The following TNR variants were observed in gnomAD, a reference collection of about 807,000 sequenced individuals.
TNR encodes the protein tenascin-R.
In TNR, 45 loss-of-function variants were observed where a neutral mutation model predicts 150.4. The observed-to-expected ratio is 0.30, with a 90% CI of 0.24 to 0.38. The LOEUF (loss-of-function observed/expected upper bound fraction) is 0.38. TNR is among the 10% of genes least tolerant of loss of function. The pLI is 1.00. For missense variants in TNR, 1,544 were observed against 1,759.1 expected (o/e 0.88, Z 2.19); for synonymous variants, 687 against 678.4 (o/e 1.01, Z -0.20).
chr1:175,378,399 T>C (rs1222740811), intron 9 of TNR, among the ~76,000 whole-genome samples: 3 of 152,096 alleles, frequency 2.0e-5, no homozygotes, highest in Admixed American at 6.5e-5. Context: ...TTCACAGAGA[T>C]TTAGGTGTAG....
chr1:175,573,048 A>G (rs2102221331), intron 1 of TNR, among the ~76,000 whole-genome samples: 2 of 152,304 alleles, frequency 1.3e-5, no homozygotes, highest in Middle Eastern at 6.8e-3. Flanking sequence ...AATGCATTAT[A>G]TATCATCTTG....
At chr1:175,667,610 A>T (rs143421758) in intron 1 of TNR, among the ~76,000 whole-genome samples, 21 of 152,316 alleles carry the variant, frequency 1.4e-4, no homozygotes, top group Non-Finnish European at 2.6e-4. Context: ...CCAAGAAGGC[A>T]CACCTAACAC....
intron 2 of TNR, among the ~76,000 whole-genome samples, chr1:175,423,344 G>C (rs1025227222): frequency 1.3e-5 from 2 of 152,122 alleles, no homozygotes; most frequent in Non-Finnish European, 2.9e-5. Context: ...GGTCATCACT[G>C]GGTGCTAAAT....
rs371243466 is a variant in TNR at position 175,367,291 on chromosome 1, A to G, written c.1970T>C (p.Val657Ala). 1 of 1,613,958 alleles carries G rather than the reference A, an allele frequency of 6.2e-7. No homozygotes were observed. Among genetic ancestry groups the G allele is most frequent in the African/African-American group, 1.3e-5 (1 of 74,932 alleles). The stretch of plus-strand genomic sequence containing the variant: ...TCCAACTCCATACTCAGTGCCAGGT[A>G]CCAGATCTATCAGTGGATGGAGAAA... ...PTTRATLTDL[V>A]PGTEYGVGIS... is the part of the protein sequence containing the mutation. Residue 657 changes from valine to alanine, a missense_variant, in exon 10 of 23, where the codon GTA becomes GCA. Val to Ala is a moderately conservative substitution (Grantham distance 64). This residue lies in a region of TNR where 1,254 missense variants were observed against 1,329.4 expected (regional missense o/e 0.94). Coordinates refer to ENST00000367674, the MANE Select transcript of TNR (RefSeq NM_003285.3).
chr1:175,378,830 G>A (rs1652530752), intron 9 of TNR, among the ~76,000 whole-genome samples: 3 of 152,218 alleles, frequency 2.0e-5, no homozygotes, highest in Admixed American at 1.3e-4. Flanking sequence ...AGAGCAGTGG[G>A]AATTCCCTGG....
At chr1:175,376,853 T>C (rs1652409703) in intron 9 of TNR, among the ~76,000 whole-genome samples, 1 of 112,972 alleles carries the variant, frequency 8.9e-6, no homozygotes, top group Admixed American at 1.1e-4. Flanking sequence ...AATATATAAA[T>C]GTAATATTAT....
Position 175,668,103 on chromosome 1 carries a change from A to G in TNR, c.-165+75123T>C, listed in dbSNP as rs148463723. ...ATTCACACTGTAAAAGCCCTGGTCT[A>G]ATACATACCTTTTGATGAGCTTTAG... On this transcript the variant is annotated intron_variant, in intron 1 of 22. Coordinates refer to ENST00000367674, the MANE Select transcript of TNR (RefSeq NM_003285.3). Among the ~76,000 whole-genome samples, 453 of 152,328 alleles carry G rather than the reference A, an allele frequency of 3.0e-3. 6 individuals carry two copies. Among genetic ancestry groups the G allele is most frequent in the African/African-American group, 0.01 (435 of 41,576 alleles).
At chr1:175,544,285 A>T (rs1314339879) in intron 1 of TNR, among the ~76,000 whole-genome samples, 6 of 152,208 alleles carry the variant, frequency 3.9e-5, no homozygotes. Flanking sequence ...GCTAAAATTC[A>T]AGCAAAGGAT....
chr1:175,607,685 G>A (rs1267722914), intron 1 of TNR, among the ~76,000 whole-genome samples: 5 of 152,204 alleles, frequency 3.3e-5, no homozygotes, highest in African/African-American at 2.4e-5. Flanking sequence ...CAAAGTGAAC[G>A]TGAAGAACAG....
At chr1:175,465,922 C>G (rs1475593016) in intron 2 of TNR, among the ~76,000 whole-genome samples, 4 of 152,322 alleles carry the variant, frequency 2.6e-5, no homozygotes, top group African/African-American at 7.2e-5. Context: ...TAGCTTGAGA[C>G]AGGTGTTGCT....
At chr1:175,491,021 G>A (rs535290156) in intron 2 of TNR, among the ~76,000 whole-genome samples, 10 of 152,302 alleles carry the variant, frequency 6.6e-5, no homozygotes, top group Non-Finnish European at 1.2e-4. Context: ...GGTATATACC[G>A]TGGAATAATA....
intron 18 of TNR, among the ~76,000 whole-genome samples, chr1:175,340,898 C>G (rs1431823520): frequency 2.6e-5 from 4 of 152,214 alleles, no homozygotes; most frequent in Non-Finnish European, 5.9e-5. Flanking sequence ...CCCTCTCCCC[C>G]TCTTTCCCTT....
intron 2 of TNR, among the ~76,000 whole-genome samples, chr1:175,462,104 A>ATGTCCAGT (rs1390058369): frequency 6.6e-6 from 1 of 152,228 alleles, no homozygotes; most frequent in African/African-American, 2.4e-5. Context: ...TGTCCAGAGA[A>ATGTCCAGT]TGTCCAGTTG....
In TNR at chr1:175,319,115, A is replaced by G. The variant is rs1257996486; in HGVS notation, c.*4242T>C. The G allele has an allele frequency of 6.6e-6, 1 of 152,226 alleles. No homozygotes were observed. The highest frequency in any genetic ancestry group is 1.5e-5 in the Non-Finnish European group (1 of 68,040). 9.4% of individuals were successfully genotyped at this position (152,226 alleles called of 1,614,324 possible). On this transcript the variant is annotated 3_prime_UTR_variant, in exon 23 of 23. Transcript: ENST00000367674. ...CTAGTATTCTGGTGATAAGAAAGCA[A>G]GCAGTAGAATACCATATATCCTGGG...
At chr1:175,497,200 G>A (rs773915045) in intron 2 of TNR, among the ~76,000 whole-genome samples, 4 of 152,084 alleles carry the variant, frequency 2.6e-5, no homozygotes, top group Admixed American at 6.5e-5. Context: ...CATACTTTGC[G>A]GCCAGCCCTC....
intron 1 of TNR, among the ~76,000 whole-genome samples, chr1:175,637,064 T>C (rs2101877992): frequency 6.6e-6 from 1 of 152,354 alleles, no homozygotes; most frequent in South Asian, 2.1e-4. Flanking sequence ...TAACATTTGC[T>C]TGCAATATCA....
At chr1:175,601,521 G>C (rs1463884342) in intron 1 of TNR, among the ~76,000 whole-genome samples, 1 of 152,156 alleles carries the variant, frequency 6.6e-6, no homozygotes, top group Non-Finnish European at 1.5e-5. Flanking sequence ...TAAACACTTA[G>C]CCACTCAAGT....
At chr1:175,521,556 G>A (rs992765550) in intron 2 of TNR, among the ~76,000 whole-genome samples, 6 of 152,236 alleles carry the variant, frequency 3.9e-5, no homozygotes, top group Non-Finnish European at 5.9e-5. Context: ...GTTGGCACAG[G>A]TGCCCAGGGA....
chr1:175,420,582 G>C (rs1441838568), intron 2 of TNR, among the ~76,000 whole-genome samples: 1 of 152,166 alleles, frequency 6.6e-6, no homozygotes, highest in Non-Finnish European at 1.5e-5. Flanking sequence ...TTCTCACATT[G>C]ATCTTCCTAC....
Sources: gnomAD v4.1 joint callset for allele counts (sites outside exome capture counted in the v4.1 genomes callset) on GRCh38, gnomAD v4.1.1 for gene constraint, gnomAD v4.1.1 regional missense constraint, MANE v1.5 for transcripts, NCBI Gene and HGNC (gene_info 2026-07-23, HGNC 2026-07-21) for gene names.